Variants in TMEM233 observed in about 807,000 individuals in gnomAD.
TMEM233 encodes the protein dispanin subfamily B member 2.
A neutral mutation model predicts 11.2 loss-of-function variants in TMEM233; 6 were observed. The ratio of observed to expected loss-of-function variants is 0.54; its 90% CI spans 0.29 to 1.06. The LOEUF (loss-of-function observed/expected upper bound fraction) is 1.06. Among genes scored for constraint, TMEM233 ranks in the 50% least tolerant of loss-of-function variants. TMEM233 has a pLI of 0.08. For synonymous variants in TMEM233, 59 were observed against 55.8 expected, an observed-to-expected ratio of 1.06 and a Z score of -0.26; for missense variants, 127 against 144.7, an observed-to-expected ratio of 0.88 and a Z score of 0.63.
chr12:119,609,374 A>G (rs978586781), intron 1 of TMEM233, among the ~76,000 whole-genome samples: 4 of 152,214 alleles, frequency 2.6e-5, no homozygotes, highest in African/African-American at 9.6e-5. Flanking sequence ...AATGCATAGA[A>G]AAGAGAAAGC....
rs971679460 is a variant in TMEM233, at chr12:119,634,773, C to T, written c.323+4901C>T. On this transcript the variant is annotated intron_variant, in intron 2 of 2. Coordinates refer to ENST00000426426, the MANE Select transcript of TMEM233 (RefSeq NM_001136534.3). ...TTGAAATCTCAAATGGTTGAAATCCCGGGTAGTTTACTTCCTTGGCGTAGT... is the reference window on the plus strand; with the variant it reads ...TTGAAATCTCAAATGGTTGAAATCCTGGGTAGTTTACTTCCTTGGCGTAGT... Among the ~76,000 whole-genome samples the T allele has an allele frequency of 5.9e-5, 9 of 152,074 alleles. 1 individual carries two copies. Among genetic ancestry groups the T allele is most frequent in the East Asian group, 1.9e-4 (1 of 5,188 alleles).
In TMEM233 at chr12:119,643,004, G is replaced by A. The variant is rs1955107004; in HGVS notation, c.*2299G>A. On this transcript the variant is annotated 3_prime_UTR_variant, in exon 3 of 3. Coordinates refer to ENST00000426426, the MANE Select transcript of TMEM233 (RefSeq NM_001136534.3). ...TTGTTTGTGCGTGTTTGGGTCCCTGGTCTTTTACCCAAATCAAATGAAAAG... is the reference window on the plus strand; with the variant it reads ...TTGTTTGTGCGTGTTTGGGTCCCTGATCTTTTACCCAAATCAAATGAAAAG... 6.6e-6 allele frequency: 1 copy of A among 152,192 alleles called. No homozygotes were observed. 9.4% of individuals were successfully genotyped at this position (152,192 alleles called of 1,614,324 possible).
chr12:119,598,231 G>A (rs1481318444), intron 1 of TMEM233, among the ~76,000 whole-genome samples: 1 of 152,180 alleles, frequency 6.6e-6, no homozygotes, highest in Non-Finnish European at 1.5e-5. Flanking sequence ...AAGAAGTGGG[G>A]CTCTAGGCAA....
At chr12:119,622,167 A>G (rs1313587438) in intron 1 of TMEM233, among the ~76,000 whole-genome samples, 3 of 152,218 alleles carry the variant, frequency 2.0e-5, no homozygotes, top group Non-Finnish European at 4.4e-5. Context: ...ACTATGATAC[A>G]TGATGTGCTT....
chr12:119,629,457 T>C (rs1486882737), intron 1 of TMEM233, among the ~76,000 whole-genome samples: 1 of 152,154 alleles, frequency 6.6e-6, no homozygotes, highest in Non-Finnish European at 1.5e-5. Flanking sequence ...CCTGCCCACG[T>C]TGCACTTACA....
intron 1 of TMEM233, among the ~76,000 whole-genome samples, chr12:119,598,643 C>A (rs959029933): frequency 5.9e-5 from 9 of 152,178 alleles, no homozygotes; most frequent in Admixed American, 5.2e-4. Flanking sequence ...AATGGTGCAA[C>A]CCCTAGTCGA....
intron 2 of TMEM233, 96 bp from the exon 3 acceptor site, chr12:119,640,603 A>G (rs188779982): frequency 9.1e-5 from 124 of 1,361,980 alleles, no homozygotes; most frequent in East Asian, 8.5e-4. Context: ...AACCAGAGTC[A>G]TCATCATCAA....
intron 2 of TMEM233, among the ~76,000 whole-genome samples, 162 bp downstream of exon 2, chr12:119,630,034 A>G (rs1954847993): frequency 6.6e-6 from 1 of 152,226 alleles, no homozygotes; most frequent in African/African-American, 2.4e-5. Flanking sequence ...AGAGGGACAT[A>G]TCAACAGTGT....
At chr12:119,638,711 T>TC in intron 2 of TMEM233, among the ~76,000 whole-genome samples, 1 of 152,070 alleles carries the variant, frequency 6.6e-6, no homozygotes, top group Non-Finnish European at 1.5e-5. Flanking sequence ...GAGTGATGTA[T>TC]TCATATGATG....
At chr12:119,645,397 G>A (rs534784477), downstream of TMEM233, among the ~76,000 whole-genome samples, 7 of 141,422 alleles carry the variant, frequency 4.9e-5, no homozygotes, top group East Asian at 1.1e-3. Context: ...AAATACTCAC[G>A]AATATTGAAT....
intron 1 of TMEM233, among the ~76,000 whole-genome samples, chr12:119,623,933 T>C (rs1294629272): frequency 6.6e-6 from 1 of 152,196 alleles, no homozygotes; most frequent in Non-Finnish European, 1.5e-5. Flanking sequence ...TCTCTGAATT[T>C]CAAGCCCATG....
At chr12:119,618,027 C>A (rs908205838) in intron 1 of TMEM233, among the ~76,000 whole-genome samples, 1 of 152,224 alleles carries the variant, frequency 6.6e-6, no homozygotes, top group African/African-American at 2.4e-5. Context: ...GGCCCAGGGA[C>A]CCCCTGCTGT....
chr12:119,612,384 G>A (rs1196969798), intron 1 of TMEM233, among the ~76,000 whole-genome samples: 2 of 152,132 alleles, frequency 1.3e-5, no homozygotes, highest in Non-Finnish European at 2.9e-5. Flanking sequence ...GGAGGCCAAG[G>A]CAGGTGGATT....
chr12:119,628,804 A>G (rs1228868365), intron 1 of TMEM233, among the ~76,000 whole-genome samples: 1 of 151,874 alleles, frequency 6.6e-6, no homozygotes, highest in African/African-American at 2.4e-5. Context: ...CCGGCCCACC[A>G]GCTCACTCTT....
chr12:119,605,409 CTT>C (rs6144897), intron 1 of TMEM233, among the ~76,000 whole-genome samples: 574 of 93,110 alleles, frequency 6.2e-3, no homozygotes, highest in East Asian at 0.02. Flanking sequence ...TATGCCTTTC[CTT>C]TTTTTTTTTT....
the TMEM233 span, among the ~76,000 whole-genome samples, chr12:119,652,258 C>T: frequency 2.0e-5 from 3 of 152,098 alleles, no homozygotes; most frequent in Admixed American, 6.5e-5. Flanking sequence ...TATGGATATA[C>T]CAAGGCAGTG....
At chr12:119,606,077 A>T (rs1954274033) in intron 1 of TMEM233, among the ~76,000 whole-genome samples, 1 of 152,230 alleles carries the variant, frequency 6.6e-6, no homozygotes, top group African/African-American at 2.4e-5. Flanking sequence ...TCTAAACTAG[A>T]AATCCCAAAG....
intron 1 of TMEM233, among the ~76,000 whole-genome samples, chr12:119,617,877 A>G (rs1422166368): frequency 2.0e-5 from 3 of 152,248 alleles, no homozygotes; most frequent in Admixed American, 2.0e-4. Flanking sequence ...TCTGGGGAGA[A>G]ATTCAAGCCA....
chr12:119,616,644 G>A (rs548024176), intron 1 of TMEM233, among the ~76,000 whole-genome samples: 10 of 152,282 alleles, frequency 6.6e-5, no homozygotes, highest in African/African-American at 2.2e-4. Flanking sequence ...TTGTAGTCAT[G>A]GTTATTAAAA....
Sources: allele counts gnomAD v4.1 joint callset (sites outside exome capture counted in the v4.1 genomes callset), GRCh38; gene constraint gnomAD v4.1.1; transcripts MANE v1.5; gene names NCBI Gene and HGNC (gene_info 2026-07-23, HGNC 2026-07-21).